DOCK8: variants seen among roughly 807,000 people sequenced by gnomAD.
DOCK8 encodes the protein dedicator of cytokinesis 8.
In DOCK8, 141 loss-of-function variants were observed where a neutral mutation model predicts 245.6. That is an observed-to-expected ratio of 0.57 (90% CI 0.50 to 0.66). The LOEUF (loss-of-function observed/expected upper bound fraction) is 0.66. Ranked by LOEUF, DOCK8 falls within the 30% of genes least tolerant of loss-of-function variation. The pLI is 0.00. For synonymous variants in DOCK8, 1,168 were observed against 970.2 expected, an observed-to-expected ratio of 1.20 and a Z score of -3.79; for missense variants, 2,965 against 2,603.4, an observed-to-expected ratio of 1.14 and a Z score of -3.02.
At chr9:372,514 T>A (rs1328370603) in intron 18 of DOCK8, among the ~76,000 whole-genome samples, 1 of 152,184 alleles carries the variant, frequency 6.6e-6, no homozygotes, top group Non-Finnish European at 1.5e-5. Flanking sequence ...CAGCATAACC[T>A]TGCATTATCT....
intron 7 of DOCK8, among the ~76,000 whole-genome samples, chr9:323,005 A>T (rs892555372): frequency 6.6e-6 from 1 of 151,326 alleles, no homozygotes; most frequent in African/African-American, 2.4e-5. Context: ...AGGCCGAAGA[A>T]TCGCTTGAAC....
chr9:399,236 C>T lies in DOCK8; in HGVS notation c.3211C>T (p.Leu1071Phe). ...CATGGATCGGGGCTTTGTGTTTAAC[C>T]TCATCAGACATTATTGCAGCCAGGT... ...SLMDRGFVFN[L>F]IRHYCSQLSA... The change falls in exon 26 of 48, where the codon CTC becomes TTC. Residue 1071 changes from leucine (L) to phenylalanine (F), a missense_variant. Transcript: ENST00000432829. 1 of 1,613,882 alleles carries T rather than the reference C, an allele frequency of 6.2e-7. No homozygotes were observed. Among genetic ancestry groups the T allele is most frequent in the Non-Finnish European group, 8.5e-7 (1 of 1,179,940 alleles).
chr9:438,792 G>A (rs2026074), intron 39 of DOCK8, among the ~76,000 whole-genome samples: 93,576 of 152,118 alleles, frequency 0.62, 31,527 homozygotes, highest in East Asian at 0.98. Context: ...TGCTGTTGTC[G>A]TATGTCATGG....
chr9:383,692 C>T (rs1307925175), intron 22 of DOCK8, among the ~76,000 whole-genome samples: 1 of 120,612 alleles, frequency 8.3e-6, no homozygotes, highest in Non-Finnish European at 1.7e-5. Flanking sequence ...AAGAGTGAGA[C>T]TCCGTCTCAA....
At chr9:429,545 C>T (rs1472922849) in intron 35 of DOCK8, among the ~76,000 whole-genome samples, 157 bp from the exon 36 acceptor site, 1 of 152,242 alleles carries the variant, frequency 6.6e-6, no homozygotes, top group African/African-American at 2.4e-5. Flanking sequence ...TTGCTTAAAT[C>T]CATCTTCTGA....
rs180736402 is a variant in DOCK8, at chr9:429,871, G to C, written c.4626+17G>C. ...GCCACCAGTGTAAGAGTTCAAACCA[G>C]CTGAGTGACCTGGAATCAGTAGAGA... is the stretch of plus-strand genomic sequence containing the variant. On this transcript the variant is annotated intron_variant, in intron 36 of 47. Coordinates refer to ENST00000432829, the MANE Select transcript of DOCK8 (RefSeq NM_203447.4). The C allele has an allele frequency of 2.5e-6, 4 of 1,613,738 alleles. No individual in the cohort carries two copies. Among genetic ancestry groups the C allele is most frequent in the Non-Finnish European group, 3.4e-6 (4 of 1,179,848 alleles).
intron 2 of DOCK8, among the ~76,000 whole-genome samples, chr9:279,481 A>G (rs1267324763): frequency 2.0e-5 from 3 of 152,186 alleles, no homozygotes; most frequent in East Asian, 1.9e-4. Flanking sequence ...CAGGAGGAAA[A>G]CCTAGTAAAA....
At position 375,690 on chromosome 9, in the gene DOCK8, G is replaced by A. The variant is rs183971112; in HGVS notation, c.2110-520G>A. 1.7e-3 allele frequency among the ~76,000 whole-genome samples: 261 copies of A among 152,160 alleles called. 3 individuals carry two copies. Among genetic ancestry groups the A allele is most frequent in the African/African-American group, 6.0e-3 (249 of 41,502 alleles). ...AAGGCCCAGAAAGTTTAGTTGAGTC[G>A]TCTAAGTAAAAATAACTAGTTTGAA... On this transcript the variant is annotated intron_variant, in intron 18 of 47. Coordinates refer to ENST00000432829, the MANE Select transcript of DOCK8 (RefSeq NM_203447.4).
intron 30 of DOCK8, among the ~76,000 whole-genome samples, chr9:418,742 T>C (rs760833348): frequency 2.0e-5 from 3 of 152,176 alleles, no homozygotes; most frequent in Non-Finnish European, 4.4e-5. Context: ...CCAGTGGTGC[T>C]GAGTTCAAGT....
At chr9:390,420 GAAT>G in intron 23 of DOCK8, 48 bp from the exon 24 acceptor site, 1 of 1,525,360 alleles carries the variant, frequency 6.6e-7, no homozygotes. Flanking sequence ...AAGTGTTGGT[GAAT>G]AATAATAGCC....
At chr9:262,274 A>C (rs763311614) in intron 1 of DOCK8, among the ~76,000 whole-genome samples, 1 of 151,854 alleles carries the variant, frequency 6.6e-6, no homozygotes, top group Non-Finnish European at 1.5e-5. Context: ...AAACTGGAAC[A>C]CTGATTATGG....
chr9:435,311 T>C (rs900492131), intron 39 of DOCK8, among the ~76,000 whole-genome samples: 2 of 150,914 alleles, frequency 1.3e-5, no homozygotes, highest in African/African-American at 4.9e-5. Flanking sequence ...TAATGGCACC[T>C]AGCCATTATT....
Position 386,414 on chromosome 9 carries a change from A to C in DOCK8, c.2862A>C (p.Pro954=). Residue 954 remains proline (P), a synonymous_variant, in exon 23 of 48, where the codon CCA becomes CCC. Coordinates refer to ENST00000432829, the MANE Select transcript of DOCK8 (RefSeq NM_203447.4). Reference sequence around the variant, plus strand: ...CAAGTTCACCTGCAGCCCCAAGGCCAGCCAGCAAAAAGGTACTGAAGAGAG... The same window carrying C: ...CAAGTTCACCTGCAGCCCCAAGGCCCGCCAGCAAAAAGGTACTGAAGAGAG... ...DAPSSPAAPR[P]ASKKHFHEEL... 6.2e-7 allele frequency: 1 copy of C among 1,613,558 alleles called. No individual in the cohort carries two copies. The highest frequency in any genetic ancestry group is 8.5e-7 in the Non-Finnish European group (1 of 1,179,680).
upstream of DOCK8, chr9:214,776 G>C (rs747414438): frequency 1.9e-6 from 3 of 1,545,162 alleles, no homozygotes; most frequent in Admixed American, 2.0e-5. Context: ...CCGGGTGGCG[G>C]AGCCGGCCGT....
At chr9:411,769 G>A (rs537195801) in intron 28 of DOCK8, among the ~76,000 whole-genome samples, 32 of 152,286 alleles carry the variant, frequency 2.1e-4, no homozygotes, top group African/African-American at 7.5e-4. Context: ...TCTCAGGAAT[G>A]CAAGATAGGC....
At chr9:336,845 T>C (rs915833505) in intron 12 of DOCK8, 127 bp downstream of exon 12, 1 of 1,133,430 alleles carries the variant, frequency 8.8e-7, no homozygotes. Context: ...TAGTTCATTT[T>C]CTGCTGCTTA....
intron 26 of DOCK8, 84 bp downstream of exon 26, chr9:399,343 G>C (rs544313464): frequency 9.9e-7 from 1 of 1,012,484 alleles, no homozygotes; most frequent in East Asian, 2.4e-5. Context: ...ATGGCACGCT[G>C]TCTTCTTCAT....
At chr9:401,521 C>T (rs1339386586) in intron 26 of DOCK8, among the ~76,000 whole-genome samples, 3 of 152,142 alleles carry the variant, frequency 2.0e-5, no homozygotes, top group Non-Finnish European at 2.9e-5. Context: ...AAGGCTCTAT[C>T]TTATCATTAG....
At chr9:308,564 T>G (rs963255576) in intron 5 of DOCK8, among the ~76,000 whole-genome samples, 3 of 152,198 alleles carry the variant, frequency 2.0e-5, no homozygotes, top group African/African-American at 7.2e-5. Context: ...ACACGTAGAT[T>G]TTATAAAAAT....
Sources: gnomAD v4.1 joint callset for allele counts (sites outside exome capture counted in the v4.1 genomes callset) on GRCh38, gnomAD v4.1.1 for gene constraint, MANE v1.5 for transcripts, NCBI Gene and HGNC (gene_info 2026-07-23, HGNC 2026-07-21) for gene names.